Variants in PARD3B observed in about 807,000 individuals in gnomAD.
PARD3B encodes partitioning defective 3 homolog B.
PARD3B carries 103 observed loss-of-function variants against 130.2 expected under a neutral mutation model. That is an observed-to-expected ratio of 0.79 (90% CI 0.67 to 0.93). The LOEUF is 0.93. Ranked by LOEUF, PARD3B falls within the 40% of genes least tolerant of loss-of-function variation. The pLI, the probability that PARD3B is intolerant of heterozygous loss-of-function variation, is 0.00. For synonymous variants in PARD3B, 583 were observed against 553.2 expected (o/e 1.05, Z -0.76); for missense variants, 1,609 against 1,499.2 (o/e 1.07, Z -1.21).
chr2:204,886,056 T>C (rs2046261377), intron 2 of PARD3B, among the ~76,000 whole-genome samples: 1 of 152,210 alleles, frequency 6.6e-6, no homozygotes, highest in Non-Finnish European at 1.5e-5. Context: ...TTATTTTCTG[T>C]TCACAATTTT....
chr2:205,600,975 A>G (rs906089028), intron 22 of PARD3B, among the ~76,000 whole-genome samples: 1 of 152,182 alleles, frequency 6.6e-6, no homozygotes, highest in African/African-American at 2.4e-5. Flanking sequence ...ACATGTGCAT[A>G]TATCTTCATG....
At chr2:204,715,484 C>CTTTTTTTT (rs77864369) in intron 2 of PARD3B, among the ~76,000 whole-genome samples, 2 of 135,532 alleles carry the variant, frequency 1.5e-5, no homozygotes. Flanking sequence ...TGCTGTTTTT[C>CTTTTTTTT]TTTTTTTTTT....
intron 10 of PARD3B, among the ~76,000 whole-genome samples, chr2:205,154,905 C>A (rs1276085107): frequency 2.0e-5 from 3 of 151,890 alleles, no homozygotes; most frequent in Admixed American, 6.6e-5. Flanking sequence ...GGGGTGGGGG[C>A]CTGGGGGAGG....
At chr2:205,532,245 A>C (rs2106433334) in intron 21 of PARD3B, among the ~76,000 whole-genome samples, 1 of 152,300 alleles carries the variant, frequency 6.6e-6, no homozygotes, top group South Asian at 2.1e-4. Flanking sequence ...GGTCATGATG[A>C]GTCATATTTT....
chr2:205,111,171 T>A (rs577516945), intron 5 of PARD3B, among the ~76,000 whole-genome samples: 2 of 152,256 alleles, frequency 1.3e-5, no homozygotes, highest in African/African-American at 4.8e-5. Context: ...CTTTATTAAA[T>A]AGATCTAACT....
At chr2:205,132,577 C>T (rs990181787) in intron 10 of PARD3B, among the ~76,000 whole-genome samples, 3 of 152,234 alleles carry the variant, frequency 2.0e-5, no homozygotes, top group East Asian at 1.9e-4. Context: ...TGGAACCTTA[C>T]GCAGCTTTCC....
chr2:205,176,358 T>TAC lies in PARD3B; in HGVS notation c.1792-85_1792-84dup. ...TAATAGACTCTTGAAAGACTATTCA[T>TAC]ACAGCGATCATTCTTTCACTTTGCT... On this transcript the variant is annotated intron_variant, in intron 12 of 22. Coordinates refer to ENST00000406610, the MANE Select transcript of PARD3B (RefSeq NM_001302769.2). This position sits in a 1 kb window ranked among gnomAD's most constrained non-coding sequence, Gnocchi z 5.3. 7.6e-7 allele frequency: 1 copy of TAC among 1,311,814 alleles called. No individual in the cohort carries two copies. Among genetic ancestry groups the TAC allele is most frequent in the Non-Finnish European group, 1.0e-6 (1 of 961,304 alleles). 81.3% of individuals were successfully genotyped at this position (1,311,814 alleles called of 1,614,324 possible).
Position 205,021,615 on chromosome 2 carries a change from TC to T in PARD3B, c.395-25965del, listed in dbSNP as rs1696609248. 7.1e-6 allele frequency among the ~76,000 whole-genome samples: 1 copy of T among 140,186 alleles called. No homozygotes were observed. Among genetic ancestry groups the T allele is most frequent in the African/African-American group, 2.7e-5 (1 of 37,398 alleles). The allele number at this position is 140,186 out of a possible 152,430, so 92.0% of individuals were successfully genotyped here. A position where few individuals can be genotyped will look rare whatever the true frequency, so the allele number is the denominator to read the frequency against. On this transcript the variant is annotated intron_variant, in intron 3 of 22. Transcript: ENST00000406610. This position sits in a 1 kb window ranked among gnomAD's most constrained non-coding sequence, Gnocchi z 4.5. ...TCTCTTCTCTCTCTCTCTCTCTCTC[TC>T]TCTCCCTCTCTCTTTCTCTCTCTCT...
chr2:204,808,162 A>G (rs1418205722), intron 2 of PARD3B, among the ~76,000 whole-genome samples: 1 of 152,124 alleles, frequency 6.6e-6, no homozygotes, highest in Non-Finnish European at 1.5e-5. Flanking sequence ...AGAAATTTGT[A>G]AGTTTTAATT....
At chr2:205,345,195 C>T (rs1475691176) in intron 18 of PARD3B, among the ~76,000 whole-genome samples, 1 of 151,830 alleles carries the variant, frequency 6.6e-6, no homozygotes, top group African/African-American at 2.4e-5. Flanking sequence ...GAAGTGAAGA[C>T]CCAAAAAAAA....
At chr2:204,918,397 G>A (rs1330654167) in intron 2 of PARD3B, among the ~76,000 whole-genome samples, 3 of 152,068 alleles carry the variant, frequency 2.0e-5, no homozygotes, top group Admixed American at 6.5e-5. Context: ...TTGGGAGGCC[G>A]AGGCGGGCGG....
intron 2 of PARD3B, among the ~76,000 whole-genome samples, chr2:204,792,244 G>A (rs1401026500): frequency 2.6e-5 from 4 of 152,262 alleles, no homozygotes; most frequent in African/African-American, 4.8e-5. Context: ...GATATGTGCT[G>A]AACTTTATGG....
chr2:205,475,954 A>G (rs1318202884), intron 20 of PARD3B, among the ~76,000 whole-genome samples: 1 of 152,216 alleles, frequency 6.6e-6, no homozygotes, highest in Non-Finnish European at 1.5e-5. Context: ...ATTTGGTCAT[A>G]TTCCATTTAG....
intron 1 of PARD3B, among the ~76,000 whole-genome samples, chr2:204,585,247 C>T (rs1559170117): frequency 6.6e-6 from 1 of 152,196 alleles, no homozygotes; most frequent in Non-Finnish European, 1.5e-5. Context: ...GAAAACAACC[C>T]AGCAGTAACT....
intron 20 of PARD3B, among the ~76,000 whole-genome samples, chr2:205,453,661 CTAAGG>C (rs1292918667): frequency 6.6e-6 from 1 of 152,100 alleles, no homozygotes; most frequent in Non-Finnish European, 1.5e-5. Context: ...TCCAGCCATG[CTAAGG>C]TTTTTCAAAC....
chr2:204,708,567 G>C (rs114927722), intron 2 of PARD3B, among the ~76,000 whole-genome samples: 1 of 152,084 alleles, frequency 6.6e-6, no homozygotes, highest in Non-Finnish European at 1.5e-5. Flanking sequence ...ACTTTCACCT[G>C]TACAAAATTC....
At chr2:204,780,719 T>A (rs560557150) in intron 2 of PARD3B, among the ~76,000 whole-genome samples, 1 of 152,198 alleles carries the variant, frequency 6.6e-6, no homozygotes, top group Admixed American at 6.6e-5. Context: ...ACAGACGCAT[T>A]TGGGGGCATA....
chr2:205,036,245 AT>A (rs1265693403), intron 3 of PARD3B, among the ~76,000 whole-genome samples: 1 of 145,916 alleles, frequency 6.9e-6, no homozygotes, highest in Non-Finnish European at 1.5e-5. Context: ...ATATATATAA[AT>A]ATATGTATAT....
chr2:204,749,332 ATAAT>A (rs1307855110), intron 2 of PARD3B, among the ~76,000 whole-genome samples: 1 of 152,158 alleles, frequency 6.6e-6, no homozygotes, highest in African/African-American at 2.4e-5. Context: ...GTTTAGGATA[ATAAT>A]TTTGGTGTAT....
Sources: gnomAD v4.1 joint callset for allele counts (sites outside exome capture counted in the v4.1 genomes callset) on GRCh38, gnomAD v4.1.1 for gene constraint, Gnocchi (gnomAD v3.1) non-coding constraint, MANE v1.5 for transcripts, NCBI Gene and HGNC (gene_info 2026-07-23, HGNC 2026-07-21) for gene names.